SLC5A1: variants seen among roughly 807,000 people sequenced by gnomAD.
SLC5A1 encodes the protein solute carrier family 5 member 1, also known as sodium/glucose cotransporter 1.
SLC5A1 carries 42 observed loss-of-function variants against 73.5 expected under a neutral mutation model. The ratio of observed to expected loss-of-function variants is 0.57; its 90% confidence interval spans 0.45 to 0.74. The LOEUF (loss-of-function observed/expected upper bound fraction) is 0.74, where lower values mean the gene tolerates loss of function less well. SLC5A1 is among the 30% of genes least tolerant of loss of function. SLC5A1 has a pLI of 0.00. For missense variants in SLC5A1, 634 were observed against 855.4 expected, an observed-to-expected ratio of 0.74 and a Z score of 3.23; for synonymous variants, 300 against 317.4, an observed-to-expected ratio of 0.95 and a Z score of 0.58.
At chr22:32,052,482 T>C (rs1308502427) in intron 2 of SLC5A1, among the ~76,000 whole-genome samples, 2 of 152,114 alleles carry the variant, frequency 1.3e-5, no homozygotes, top group African/African-American at 2.4e-5. Flanking sequence ...AGCTCATGAA[T>C]TGGAGAGGAA....
In SLC5A1 at chr22:32,081,919, G is replaced by A. The variant is rs761303918; in HGVS notation, c.531G>A (p.Leu177=). Residue 177 remains leucine (L), a synonymous_variant, in exon 6 of 15, where the codon CTG becomes CTA. Coordinates refer to ENST00000266088, the MANE Select transcript of SLC5A1 (RefSeq NM_000343.4). ...IFINLALGLN[L]YLAIFLLLAI... ...TCAATCTGGCCTTAGGCCTGAATCT[G>A]TATTTAGCCATCTTTCTCTTATTGG... 1.9e-6 allele frequency: 3 copies of A among 1,613,788 alleles called. No homozygotes were observed. The highest frequency in any genetic ancestry group is 1.7e-5 in the Admixed American group (1 of 60,000).
At chr22:32,056,737 ACT>A in intron 2 of SLC5A1, among the ~76,000 whole-genome samples, 1 of 152,218 alleles carries the variant, frequency 6.6e-6, no homozygotes, top group East Asian at 1.9e-4. Flanking sequence ...AATTCTGGAC[ACT>A]CTGGGTCTTA....
At chr22:32,051,035 C>T (rs2149483616) in intron 2 of SLC5A1, among the ~76,000 whole-genome samples, 1 of 152,290 alleles carries the variant, frequency 6.6e-6, no homozygotes, top group East Asian at 1.9e-4. Context: ...AGGGGAATTC[C>T]CCACTCTTTG....
At chr22:32,090,482 T>C (rs775192495) in intron 10 of SLC5A1, among the ~76,000 whole-genome samples, 17 of 152,186 alleles carry the variant, frequency 1.1e-4, no homozygotes, top group Non-Finnish European at 2.4e-4. Flanking sequence ...TATTTGTATG[T>C]CATTCCTTTT....
chr22:32,105,765 T>A (rs943688169), intron 14 of SLC5A1, among the ~76,000 whole-genome samples: 4 of 152,166 alleles, frequency 2.6e-5, no homozygotes, highest in African/African-American at 9.7e-5. Flanking sequence ...GTAACCATCT[T>A]TCTACTTTCT....
chr22:32,068,422 GGT>G lies in SLC5A1; in HGVS notation c.373-71_373-70del, dbSNP rs2093977648. On this transcript the variant is annotated intron_variant, in intron 4 of 14. Transcript: ENST00000266088. ...ACTTCTGTGGCTCTGATATTAGGATGGTGTCACTGTTCTGTCTGCTCTGGGCC... is the reference window on the plus strand; with the variant it reads ...ACTTCTGTGGCTCTGATATTAGGATGGTCACTGTTCTGTCTGCTCTGGGCC... 11 of 914,566 alleles carry G rather than the reference GGT, an allele frequency of 1.2e-5. No homozygotes were observed. The South Asian group carries it at 1.4e-4, about 12-fold the overall frequency. The allele number at this position is 914,566 out of a possible 1,614,324, so 56.7% of individuals were successfully genotyped here. A position where few individuals can be genotyped will look rare whatever the true frequency, so the allele number is the denominator to read the frequency against.
intron 9 of SLC5A1, among the ~76,000 whole-genome samples, chr22:32,085,955 C>T (rs1438783913): frequency 6.6e-6 from 1 of 152,082 alleles, no homozygotes; most frequent in East Asian, 1.9e-4. Context: ...TCCTGGCTAA[C>T]ACAGTGAAAC....
intron 9 of SLC5A1, 131 bp downstream of exon 9, chr22:32,085,166 A>T (rs2094006110): frequency 9.1e-7 from 1 of 1,098,972 alleles, no homozygotes; most frequent in African/African-American, 1.5e-5. Flanking sequence ...CCCAGGCTGG[A>T]GTGCAGTGGT....
At chr22:32,053,903 G>C (rs573972172) in intron 2 of SLC5A1, among the ~76,000 whole-genome samples, 2 of 152,058 alleles carry the variant, frequency 1.3e-5, no homozygotes, top group African/African-American at 4.8e-5. Flanking sequence ...AGCCGGGTGC[G>C]GTGGCTCACA....
intron 2 of SLC5A1, among the ~76,000 whole-genome samples, chr22:32,054,155 A>G (rs1162334230): frequency 1.3e-5 from 2 of 152,198 alleles, no homozygotes; most frequent in Admixed American, 6.5e-5. Flanking sequence ...CTTGGGCAAC[A>G]GAGCAAGATT....
intron 11 of SLC5A1, among the ~76,000 whole-genome samples, chr22:32,098,018 G>C (rs564165125): frequency 3.3e-5 from 5 of 152,298 alleles, no homozygotes; most frequent in South Asian, 2.1e-4. Flanking sequence ...ATACACACTA[G>C]AGTGACTAAA....
rs201972071 is a variant in SLC5A1 at position 32,110,372 on chromosome 22, A to G, written c.*159A>G. On this transcript the variant is annotated 3_prime_UTR_variant, in exon 15 of 15. Coordinates refer to ENST00000266088, the MANE Select transcript of SLC5A1 (RefSeq NM_000343.4). ...ATAGGCTAGCTGGAAGAAAACCATT[A>G]GTTTGCTGTTAATTTATGCATTTGA... 7.3e-6 allele frequency: 5 copies of G among 688,288 alleles called. No homozygotes were observed. The highest frequency in any genetic ancestry group is 3.8e-4 in the Middle Eastern group (1 of 2,636). 42.6% of individuals were successfully genotyped at this position (688,288 alleles called of 1,614,324 possible).
At chr22:32,061,323 G>A (rs1298965372) in intron 2 of SLC5A1, among the ~76,000 whole-genome samples, 4 of 152,068 alleles carry the variant, frequency 2.6e-5, no homozygotes, top group African/African-American at 9.7e-5. Flanking sequence ...ACTGAGTCAG[G>A]AGAATCACTT....
chr22:32,048,825 C>T (rs1274246343), intron 1 of SLC5A1, among the ~76,000 whole-genome samples: 2 of 152,090 alleles, frequency 1.3e-5, no homozygotes, highest in Non-Finnish European at 2.9e-5. Context: ...ATTCCCAGCA[C>T]TTTGGGAGGC....
At position 32,091,828 on chromosome 22, in the gene SLC5A1, C is replaced by T. The variant is rs17683471; in HGVS notation, c.1280+66C>T. The T allele has an allele frequency of 1.3e-4, 203 of 1,559,272 alleles. 1 individual carries two copies. In the African/African-American group the frequency reaches 2.3e-3, roughly 18 times the overall value. On this transcript the variant is annotated intron_variant, in intron 11 of 14. Transcript: ENST00000266088. ...CAGAGAGGTTCCATCTGTGTTACCC[C>T]TCAAGCTAGGGAAGGTTGGCAGATG...
chr22:32,064,287 G>A (rs1482568303), intron 2 of SLC5A1, among the ~76,000 whole-genome samples: 1 of 151,964 alleles, frequency 6.6e-6, no homozygotes, highest in Non-Finnish European at 1.5e-5. Context: ...CTTGAGACCA[G>A]GAGTTCAAGA....
intron 2 of SLC5A1, among the ~76,000 whole-genome samples, chr22:32,056,530 A>C (rs187694535): frequency 1.3e-3 from 189 of 149,912 alleles, no homozygotes; most frequent in African/African-American, 4.6e-3. Flanking sequence ...TTATCTGTGA[A>C]TCTGCATATT....
chr22:32,079,611 A>G (rs1158667313), intron 5 of SLC5A1, among the ~76,000 whole-genome samples: 1 of 152,166 alleles, frequency 6.6e-6, no homozygotes, highest in East Asian at 1.9e-4. Context: ...AAAATCAACC[A>G]AGGGCAGTTT....
rs2094055644 is a variant in SLC5A1 at position 32,110,898 on chromosome 22, A to G, written c.*685A>G. On this transcript the variant is annotated 3_prime_UTR_variant, in exon 15 of 15. Transcript: ENST00000266088. ...TCCAGGGGATTTTCTGGGCTTCTTA[A>G]AATGTCCATTGTGAGTTCCCCGTGT... 6.5e-6 allele frequency: 1 copy of G among 154,256 alleles called. No individual in the cohort carries two copies. The highest frequency in any genetic ancestry group is 2.4e-5 in the African/African-American group (1 of 41,438). 9.6% of individuals were successfully genotyped at this position (154,256 alleles called of 1,614,324 possible). A position where few individuals can be genotyped will look rare whatever the true frequency, so the allele number is the denominator to read the frequency against.
Sources: gnomAD v4.1 joint callset for allele counts (sites outside exome capture counted in the v4.1 genomes callset) on GRCh38, gnomAD v4.1.1 for gene constraint, MANE v1.5 for transcripts, NCBI Gene and HGNC (gene_info 2026-07-23, HGNC 2026-07-21) for gene names.